TMEM39A: variants seen among roughly 807,000 people sequenced by gnomAD.
TMEM39A encodes the protein transmembrane protein 39A.
A neutral mutation model predicts 51.9 loss-of-function variants in TMEM39A; 19 were observed. That is an observed-to-expected ratio of 0.37 (90% CI 0.26 to 0.54). The LOEUF (loss-of-function observed/expected upper bound fraction) is 0.54, where lower values mean the gene tolerates loss of function less well. TMEM39A is among the 20% of genes least tolerant of loss of function. The pLI is 0.88. For missense variants in TMEM39A, 433 were observed against 590.5 expected, an observed-to-expected ratio of 0.73 and a Z score of 2.76; for synonymous variants, 197 against 220.2, an observed-to-expected ratio of 0.89 and a Z score of 0.93.
intron 4 of TMEM39A, chr3:119,451,428 A>G: frequency 1.7e-6 from 1 of 575,098 alleles, no homozygotes; most frequent in South Asian, 1.7e-5. Context: ...TAAAATTATT[A>G]GCCACTTCAG....
rs992199759 is a variant in TMEM39A, at chr3:119,463,323, C to T, written c.-75+13G>A. 26 of 351,254 alleles carry T rather than the reference C, an allele frequency of 7.4e-5. No homozygotes were observed. The South Asian group carries it at 2.8e-3, about 37-fold the overall frequency. 21.8% of individuals were successfully genotyped at this position (351,254 alleles called of 1,614,324 possible). On this transcript the variant is annotated intron_variant, in intron 1 of 8. Coordinates refer to ENST00000319172, the MANE Select transcript of TMEM39A (RefSeq NM_018266.3). ...AGGACAGCCGGACCTTGGGGCAGCT[C>T]AGTAATACTCACGCATGGAAGAGTC...
In TMEM39A at chr3:119,447,017, C is replaced by T. The variant is rs1295000376; in HGVS notation, c.575+1G>A. On this transcript the variant is annotated splice_donor_variant, in intron 5 of 8. Transcript: ENST00000319172. LOFTEE classifies it high-confidence loss of function. ...TAACATGGTAAAACTGGAGTACTCA[C>T]GGGTAGCCAAGGAAAAGGAGATTGA... 1.2e-6 allele frequency: 2 copies of T among 1,613,324 alleles called. No homozygotes were observed. The highest frequency in any genetic ancestry group is 8.5e-7 in the Non-Finnish European group (1 of 1,179,728).
chr3:119,444,217 A>G (rs890747322), intron 5 of TMEM39A, among the ~76,000 whole-genome samples: 1 of 152,200 alleles, frequency 6.6e-6, no homozygotes, highest in Admixed American at 6.5e-5. Flanking sequence ...ATCCTCTTAA[A>G]CTTGGCCAAA....
chr3:119,445,561 G>A (rs950097956), intron 5 of TMEM39A, among the ~76,000 whole-genome samples: 2 of 152,262 alleles, frequency 1.3e-5, no homozygotes, highest in East Asian at 1.9e-4. Flanking sequence ...CACCGCGCCC[G>A]GCGGGAATTT....
Position 119,453,469 on chromosome 3 carries a change from G to A in TMEM39A, c.337-939C>T, listed in dbSNP as rs116833557. Among the ~76,000 whole-genome samples the A allele has an allele frequency of 8.0e-3, 1,219 of 152,316 alleles. 22 individuals are homozygous for A. Among genetic ancestry groups the A allele is most frequent in the South Asian group, 0.072 (346 of 4,824 alleles). ...AAATTTAACTAGGCACTGACTCCTA[G>A]CCAGCTAAAGGTTCATTTTCCAGCC... On this transcript the variant is annotated intron_variant, in intron 3 of 8. Transcript: ENST00000319172.
intron 3 of TMEM39A, among the ~76,000 whole-genome samples, chr3:119,457,341 A>G (rs181544760): frequency 1.5e-4 from 23 of 152,336 alleles, no homozygotes; most frequent in South Asian, 4.1e-4. Flanking sequence ...ACTTCAGCAA[A>G]GACAGCCAAT....
At chr3:119,447,239 AG>A in intron 4 of TMEM39A, 67 bp from the exon 5 acceptor site, 1 of 1,539,370 alleles carries the variant, frequency 6.5e-7, no homozygotes, top group South Asian at 1.2e-5. Context: ...TTGTAATTCA[AG>A]TAAGAACTTA....
chr3:119,456,752 G>A (rs1204838536), intron 3 of TMEM39A, among the ~76,000 whole-genome samples: 3 of 152,166 alleles, frequency 2.0e-5, no homozygotes, highest in East Asian at 3.9e-4. Flanking sequence ...CCACAAGTGT[G>A]CACTACCATG....
intron 8 of TMEM39A, 92 bp downstream of exon 8, chr3:119,434,670 G>GTGCTACATGCTA (rs1205661752): frequency 6.6e-7 from 1 of 1,514,466 alleles, no homozygotes; most frequent in African/African-American, 1.4e-5. Flanking sequence ...TTCCTAGTAT[G>GTGCTACATGCTA]TGCTACATGC....
intron 4 of TMEM39A, among the ~76,000 whole-genome samples, chr3:119,449,749 A>G (rs771460611): frequency 2.0e-5 from 3 of 152,186 alleles, no homozygotes; most frequent in Non-Finnish European, 4.4e-5. Flanking sequence ...TAGAAAAACA[A>G]TTTTTAAAAA....
At chr3:119,435,871 A>G (rs2107659710) in intron 7 of TMEM39A, 1 of 1,289,624 alleles carries the variant, frequency 7.8e-7, no homozygotes, top group Non-Finnish European at 1.0e-6. Flanking sequence ...CTTTGCCCAC[A>G]GTCGGGTTTC....
chr3:119,434,474 G>A (rs901167900), intron 8 of TMEM39A, among the ~76,000 whole-genome samples: 1 of 152,058 alleles, frequency 6.6e-6, no homozygotes, highest in African/African-American at 2.4e-5. Context: ...TGAAAAAGGA[G>A]TCTTAGATAA....
At chr3:119,437,034 G>A (rs2080979047) in intron 6 of TMEM39A, 56 bp from the exon 7 acceptor site, 1 of 1,539,100 alleles carries the variant, frequency 6.5e-7, no homozygotes, top group South Asian at 1.2e-5. Flanking sequence ...AAGAGGCAGG[G>A]ATGGGTTGGT....
At chr3:119,463,043 C>G (rs150203960) in intron 1 of TMEM39A, among the ~76,000 whole-genome samples, 282 of 152,330 alleles carry the variant, frequency 1.9e-3, no homozygotes, top group African/African-American at 5.0e-3. Flanking sequence ...TTCCTAACAG[C>G]CTTCGGCTGT....
intron 2 of TMEM39A, among the ~76,000 whole-genome samples, chr3:119,461,283 T>A (rs1423885960): frequency 6.6e-6 from 1 of 151,876 alleles, no homozygotes; most frequent in African/African-American, 2.4e-5. Context: ...GAAGAGGGAT[T>A]GGAAAGTCAG....
At chr3:119,462,175 A>T in intron 1 of TMEM39A, 27 bp from the exon 2 acceptor site, 1 of 781,544 alleles carries the variant, frequency 1.3e-6, no homozygotes, top group South Asian at 1.7e-5. Flanking sequence ...ACATTTAAAC[A>T]TCAGTAGACT....
chr3:119,430,630 CA>C lies in TMEM39A; in HGVS notation c.*1350del, dbSNP rs960909967. 2.0e-5 allele frequency: 3 copies of C among 151,988 alleles called. No homozygotes were observed. Among genetic ancestry groups the C allele is most frequent in the African/African-American group, 7.2e-5 (3 of 41,404 alleles). 9.4% of individuals were successfully genotyped at this position (151,988 alleles called of 1,614,324 possible). A position where few individuals can be genotyped will look rare whatever the true frequency, so the allele number is the denominator to read the frequency against. ...TAACTTAAAAAAAAAGTATACACAT[CA>C]AAATATTTAAAGAAACAATTATTGA... is the stretch of plus-strand genomic sequence containing the variant. On this transcript the variant is annotated 3_prime_UTR_variant, in exon 9 of 9. Coordinates refer to ENST00000319172, the MANE Select transcript of TMEM39A (RefSeq NM_018266.3).
At chr3:119,457,185 T>G (rs2081276689) in intron 3 of TMEM39A, among the ~76,000 whole-genome samples, 1 of 151,758 alleles carries the variant, frequency 6.6e-6, no homozygotes, top group Non-Finnish European at 1.5e-5. Flanking sequence ...TTAGCCAGGA[T>G]GGTCTCGATC....
intron 4 of TMEM39A, 37 bp downstream of exon 4, chr3:119,452,410 A>G: frequency 6.5e-7 from 1 of 1,537,442 alleles, no homozygotes; most frequent in Non-Finnish European, 9.0e-7. Flanking sequence ...AACTAACTCT[A>G]GCTACATGTG....
Sources: gnomAD v4.1 joint callset for allele counts (sites outside exome capture counted in the v4.1 genomes callset) on GRCh38, gnomAD v4.1.1 for gene constraint, MANE v1.5 for transcripts, NCBI Gene and HGNC (gene_info 2026-07-23, HGNC 2026-07-21) for gene names.